The following GPC6 variants were observed in gnomAD, a reference collection of about 807,000 sequenced individuals.
GPC6 encodes the protein glypican-6.
In GPC6, 14 loss-of-function variants were observed where a neutral mutation model predicts 55.2. The ratio of observed to expected loss-of-function variants is 0.25; its 90% CI spans 0.17 to 0.40. The LOEUF (loss-of-function observed/expected upper bound fraction) is 0.40. Among genes scored for constraint, GPC6 ranks in the 10% least tolerant of loss-of-function variants. The pLI is 1.00. For missense variants in GPC6, 641 were observed against 708.5 expected (o/e 0.90, Z 1.08); for synonymous variants, 278 against 259.6 (o/e 1.07, Z -0.68).
At chr13:93,780,459 T>C in intron 2 of GPC6, among the ~76,000 whole-genome samples, 1 of 152,240 alleles carries the variant, frequency 6.6e-6, no homozygotes, top group Non-Finnish European at 1.5e-5. Flanking sequence ...TTGTTAAAAA[T>C]GGCATATAAA....
intron 4 of GPC6, among the ~76,000 whole-genome samples, chr13:94,278,508 T>C (rs534458828): frequency 1.3e-5 from 2 of 152,314 alleles, no homozygotes; most frequent in Admixed American, 6.5e-5. Context: ...ATCCTTGTCT[T>C]GTACCGGTTT....
chr13:93,712,833 A>G (rs1013327263), intron 2 of GPC6, among the ~76,000 whole-genome samples: 1 of 151,652 alleles, frequency 6.6e-6, no homozygotes, highest in Non-Finnish European at 1.5e-5. Flanking sequence ...AATTCCATTT[A>G]TATTTCCTGA....
intron 2 of GPC6, among the ~76,000 whole-genome samples, chr13:93,554,145 C>CAAAA (rs35616377): frequency 1.5e-5 from 2 of 136,924 alleles, no homozygotes; most frequent in Non-Finnish European, 3.2e-5. Flanking sequence ...GAGACTCTGT[C>CAAAA]AAAAAAAAAA....
intron 2 of GPC6, among the ~76,000 whole-genome samples, chr13:93,608,206 C>A (rs1349419318): frequency 6.6e-6 from 1 of 150,982 alleles, no homozygotes; most frequent in East Asian, 1.9e-4. Flanking sequence ...ACTAGGTCTT[C>A]CAGAACTTTT....
intron 2 of GPC6, among the ~76,000 whole-genome samples, chr13:93,571,743 C>T (rs1876416641): frequency 6.6e-6 from 1 of 152,114 alleles, no homozygotes; most frequent in African/African-American, 2.4e-5. Flanking sequence ...ACCTCTCATC[C>T]ACAGTTTTTC....
intron 1 of GPC6, among the ~76,000 whole-genome samples, chr13:93,415,917 A>T (rs918674738): frequency 3.3e-5 from 5 of 152,108 alleles, no homozygotes; most frequent in Non-Finnish European, 7.4e-5. Context: ...ATCTAAAATG[A>T]CTGCCTTATA....
At position 93,848,926 on chromosome 13, in the gene GPC6, A is replaced by G. The variant is rs1335176863; in HGVS notation, c.711+18381A>G. ...AACTTGCTAAAATCCACTGACCACC[A>G]TATCTCATGTATCCAGGAAGCTCCT... is the stretch of plus-strand genomic sequence containing the variant. On this transcript the variant is annotated intron_variant, in intron 3 of 8. Coordinates refer to ENST00000377047, the MANE Select transcript of GPC6 (RefSeq NM_005708.5). 2.0e-5 allele frequency among the ~76,000 whole-genome samples: 3 copies of G among 152,054 alleles called. 1 individual carries two copies. The highest frequency in any genetic ancestry group is 7.2e-5 in the African/African-American group (3 of 41,412).
chr13:94,329,198 C>G (rs1476470185), intron 6 of GPC6, among the ~76,000 whole-genome samples: 1 of 152,162 alleles, frequency 6.6e-6, no homozygotes, highest in Non-Finnish European at 1.5e-5. Flanking sequence ...AAAATGTCCT[C>G]AAGAATATCC....
At chr13:94,035,481 A>T (rs1043744050) in intron 4 of GPC6, among the ~76,000 whole-genome samples, 1 of 152,102 alleles carries the variant, frequency 6.6e-6, no homozygotes, top group Non-Finnish European at 1.5e-5. Context: ...TGGATCGTTA[A>T]AGAAAACATC....
At chr13:93,633,205 A>C (rs1372902459) in intron 2 of GPC6, among the ~76,000 whole-genome samples, 1 of 152,148 alleles carries the variant, frequency 6.6e-6, no homozygotes, top group Non-Finnish European at 1.5e-5. Context: ...AAGGTAACTG[A>C]GTTTTATAGA....
intron 2 of GPC6, among the ~76,000 whole-genome samples, chr13:93,775,284 C>T (rs749826878): frequency 4.6e-5 from 7 of 152,116 alleles, no homozygotes; most frequent in South Asian, 2.1e-4. Flanking sequence ...GGACCATAGG[C>T]GCACACTGCC....
intron 1 of GPC6, among the ~76,000 whole-genome samples, chr13:93,447,779 T>TGGA (rs1878062423): frequency 6.6e-6 from 1 of 152,208 alleles, no homozygotes. Flanking sequence ...CGAGTTGCCT[T>TGGA]GGAGGAGTTC....
intron 4 of GPC6, among the ~76,000 whole-genome samples, chr13:94,085,853 T>C (rs959285884): frequency 1.3e-5 from 2 of 152,160 alleles, no homozygotes; most frequent in African/African-American, 4.8e-5. Flanking sequence ...AATGGAAATA[T>C]TTATGTAAAA....
chr13:94,068,298 T>C (rs1421127983), intron 4 of GPC6, among the ~76,000 whole-genome samples: 1 of 151,612 alleles, frequency 6.6e-6, no homozygotes, highest in Non-Finnish European at 1.5e-5. Context: ...TTATTCACTA[T>C]CACAAGAACA....
chr13:93,778,191 G>A (rs1031814081), intron 2 of GPC6, among the ~76,000 whole-genome samples: 7 of 152,252 alleles, frequency 4.6e-5, no homozygotes, highest in South Asian at 4.1e-4. Flanking sequence ...GGGGCACCAA[G>A]AGCTTTGTTC....
At chr13:93,613,718 C>T (rs924788587) in intron 2 of GPC6, among the ~76,000 whole-genome samples, 3 of 152,072 alleles carry the variant, frequency 2.0e-5, no homozygotes, top group Admixed American at 1.3e-4. Context: ...ATCTCAGAGT[C>T]CATAAGAATA....
At chr13:94,155,102 T>C (rs589258) in intron 4 of GPC6, among the ~76,000 whole-genome samples, 88,214 of 151,810 alleles carry the variant, frequency 0.58, 27,064 homozygotes, top group Non-Finnish European at 0.67. Flanking sequence ...ATTTCCACTC[T>C]GCATCTGCAG....
At chr13:93,475,353 T>C (rs1271046426) in intron 1 of GPC6, among the ~76,000 whole-genome samples, 1 of 152,248 alleles carries the variant, frequency 6.6e-6, no homozygotes, top group Non-Finnish European at 1.5e-5. Context: ...ATTTTATTTT[T>C]ACACTGTAGA....
intron 2 of GPC6, among the ~76,000 whole-genome samples, chr13:93,694,138 T>C (rs1882361125): frequency 6.6e-6 from 1 of 152,188 alleles, no homozygotes; most frequent in Admixed American, 6.6e-5. Flanking sequence ...TGCTCTTTTA[T>C]TAATATTTCT....
Sources: allele counts gnomAD v4.1 joint callset (sites outside exome capture counted in the v4.1 genomes callset), GRCh38; gene constraint gnomAD v4.1.1; transcripts MANE v1.5; gene names NCBI Gene and HGNC (gene_info 2026-07-23, HGNC 2026-07-21).